Variants in PARN observed in about 807,000 individuals in gnomAD.
PARN encodes the protein poly(A)-specific ribonuclease.
PARN carries 71 observed loss-of-function variants against 102.8 expected under a neutral mutation model. The observed-to-expected ratio is 0.69, with a 90% confidence interval of 0.57 to 0.84. PARN has a LOEUF of 0.84. Among genes scored for constraint, PARN ranks in the 40% least tolerant of loss-of-function variants. The pLI, the probability that PARN is intolerant of heterozygous loss-of-function variation, is 0.00. For missense variants in PARN, 782 were observed against 760.9 expected (o/e 1.03, Z -0.33); for synonymous variants, 261 against 252.9 (o/e 1.03, Z -0.30).
At chr16:14,564,846 C>T (rs1968335307) in intron 18 of PARN, among the ~76,000 whole-genome samples, 2 of 152,166 alleles carry the variant, frequency 1.3e-5, no homozygotes, top group South Asian at 4.2e-4. Flanking sequence ...ACTACACTTC[C>T]GATTTCTCAA....
chr16:14,571,098 A>G (rs1001372589), intron 18 of PARN, among the ~76,000 whole-genome samples: 4 of 149,776 alleles, frequency 2.7e-5, no homozygotes, highest in African/African-American at 7.6e-5. Flanking sequence ...ATAAAAGTCT[A>G]AAACTCCAGG....
chr16:14,630,196 C>G lies in PARN; in HGVS notation c.-71G>C. The G allele has an allele frequency of 7.2e-7, 1 of 1,379,344 alleles. No individual in the cohort carries two copies. Among genetic ancestry groups the G allele is most frequent in the East Asian group, 2.6e-5 (1 of 38,518 alleles). The allele number at this position is 1,379,344 out of a possible 1,614,324, so 85.4% of individuals were successfully genotyped here. A position where few individuals can be genotyped will look rare whatever the true frequency, so the allele number is the denominator to read the frequency against. On this transcript the variant is annotated 5_prime_UTR_variant, in exon 1 of 24. Transcript: ENST00000437198. Reference sequence around the variant, plus strand: ...CCTCAGCGGTTCTACTCGCCGAATTCCGCGGCGACTGCGGCAGTAGCTGAG... The same window carrying G: ...CCTCAGCGGTTCTACTCGCCGAATTGCGCGGCGACTGCGGCAGTAGCTGAG...
intron 21 of PARN, among the ~76,000 whole-genome samples, chr16:14,514,968 A>G (rs1965389643): frequency 6.6e-6 from 1 of 152,246 alleles, no homozygotes; most frequent in South Asian, 2.1e-4. Flanking sequence ...AGTTTCCATC[A>G]TGTAACTTCT....
rs571569947 is a variant in PARN, at chr16:14,550,015, A to T, written c.1480+2006T>A. Among the ~76,000 whole-genome samples the T allele has an allele frequency of 3.3e-5, 5 of 152,302 alleles. No individual in the cohort carries two copies. The South Asian group carries it at 1.0e-3, about 32-fold the overall frequency. On this transcript the variant is annotated intron_variant, in intron 21 of 23. Transcript: ENST00000437198. ...CCTTTTATCGGGCTGCACAGCTTCAATGTCACCGAGTGTGGCTAGCAAAGG... is the reference window on the plus strand; with the variant it reads ...CCTTTTATCGGGCTGCACAGCTTCATTGTCACCGAGTGTGGCTAGCAAAGG...
intron 23 of PARN, among the ~76,000 whole-genome samples, chr16:14,442,286 C>A (rs1960973910): frequency 6.6e-6 from 1 of 152,128 alleles, no homozygotes; most frequent in African/African-American, 2.4e-5. Flanking sequence ...TGACAGAAAT[C>A]CTTCAATTAA....
intron 18 of PARN, among the ~76,000 whole-genome samples, chr16:14,580,100 T>C (rs1969424499): frequency 1.3e-5 from 2 of 151,062 alleles, no homozygotes; most frequent in Admixed American, 6.6e-5. Context: ...GCTAAGAAAA[T>C]CATGTTTTCT....
intron 22 of PARN, among the ~76,000 whole-genome samples, chr16:14,465,108 C>T (rs970360183): frequency 5.3e-5 from 8 of 152,106 alleles, no homozygotes; most frequent in Admixed American, 2.0e-4. Flanking sequence ...CTCTCTGTTA[C>T]GTAGGCTGGA....
intron 20 of PARN, among the ~76,000 whole-genome samples, chr16:14,553,256 T>TAAAA (rs58411352): frequency 8.5e-6 from 1 of 117,438 alleles, no homozygotes; most frequent in Non-Finnish European, 1.7e-5. Flanking sequence ...TATTTCTATT[T>TAAAA]AAAAAAAAAA....
intron 19 of PARN, 55 bp from the exon 20 acceptor site, chr16:14,554,206 C>A: frequency 8.3e-7 from 1 of 1,198,874 alleles, no homozygotes; most frequent in South Asian, 1.3e-5. Flanking sequence ...TCAAGTAAAC[C>A]AGTGACTCTT....
At chr16:14,577,318 T>C (rs1969205663) in intron 18 of PARN, among the ~76,000 whole-genome samples, 1 of 152,212 alleles carries the variant, frequency 6.6e-6, no homozygotes, top group South Asian at 2.1e-4. Context: ...AGGTTTAATA[T>C]CCTAAATCAC....
chr16:14,538,020 T>C (rs1966686687), intron 21 of PARN, among the ~76,000 whole-genome samples: 1 of 152,194 alleles, frequency 6.6e-6, no homozygotes, highest in Admixed American at 6.5e-5. Flanking sequence ...ACATACTGTA[T>C]ACATATATTG....
intron 22 of PARN, among the ~76,000 whole-genome samples, chr16:14,448,518 C>T (rs1961302300): frequency 6.6e-6 from 1 of 151,968 alleles, no homozygotes; most frequent in East Asian, 1.9e-4. Flanking sequence ...GAACAATGGA[C>T]CTCAAGTGAT....
Position 14,574,844 on chromosome 16 carries a change from C to A in PARN, c.1262+6030G>T, listed in dbSNP as rs529079662. 3.3e-5 allele frequency among the ~76,000 whole-genome samples: 5 copies of A among 152,312 alleles called. No homozygotes were observed. The East Asian group carries it at 7.7e-4, about 24-fold the overall frequency. ...GCGTGTCAGAGGTCTTCAAGGCAGG[C>A]CCTCCCATCACAGGCCCAGAAGTTT... is the stretch of plus-strand genomic sequence containing the variant. On this transcript the variant is annotated intron_variant, in intron 18 of 23. Coordinates refer to ENST00000437198, the MANE Select transcript of PARN (RefSeq NM_002582.4).
At chr16:14,438,324 T>C (rs1960796978) in intron 23 of PARN, among the ~76,000 whole-genome samples, 1 of 151,902 alleles carries the variant, frequency 6.6e-6, no homozygotes. Context: ...CAATGCCAAA[T>C]GTGGGGAACT....
intron 21 of PARN, among the ~76,000 whole-genome samples, chr16:14,541,898 A>G (rs1966842956): frequency 6.6e-6 from 1 of 152,228 alleles, no homozygotes; most frequent in Non-Finnish European, 1.5e-5. Flanking sequence ...CTCAATCCCA[A>G]ATTACTCAAT....
At chr16:14,572,088 G>A (rs1168201987) in intron 18 of PARN, among the ~76,000 whole-genome samples, 3 of 152,170 alleles carry the variant, frequency 2.0e-5, no homozygotes, top group South Asian at 2.1e-4. Context: ...TGGAATTACT[G>A]TAAGACTCAA....
intron 21 of PARN, among the ~76,000 whole-genome samples, chr16:14,516,191 G>C (rs1965448414): frequency 6.6e-6 from 1 of 151,702 alleles, no homozygotes; most frequent in Non-Finnish European, 1.5e-5. Flanking sequence ...AATTAAATTA[G>C]ATAATTAGAA....
Position 14,461,896 on chromosome 16 carries a change from T to C in PARN, c.1671-14815A>G, listed in dbSNP as rs569508195. Among the ~76,000 whole-genome samples, 35 of 152,336 alleles carry C rather than the reference T, an allele frequency of 2.3e-4. No homozygotes were observed. The South Asian group carries it at 6.6e-3, about 29-fold the overall frequency. ...CTGTCTGAGTGAATAGAATAATGAA[T>C]GTGCAGACACACAGACTCTGAAAGA... On this transcript the variant is annotated intron_variant, in intron 22 of 23. Transcript: ENST00000437198.
At chr16:14,520,908 A>AT (rs1375989327) in intron 21 of PARN, among the ~76,000 whole-genome samples, 12 of 152,132 alleles carry the variant, frequency 7.9e-5, no homozygotes, top group Admixed American at 5.2e-4. Context: ...TGTCTTGGAC[A>AT]TTTTTTTCCA....
Sources: gnomAD v4.1 joint callset for allele counts (sites outside exome capture counted in the v4.1 genomes callset) on GRCh38, gnomAD v4.1.1 for gene constraint, MANE v1.5 for transcripts, NCBI Gene and HGNC (gene_info 2026-07-23, HGNC 2026-07-21) for gene names.